Variants in UBE2R2 observed in about 807,000 individuals in gnomAD.
The protein encoded by UBE2R2 is ubiquitin-conjugating enzyme E2 R2.
Under a neutral mutation model 27.8 loss-of-function variants are expected in UBE2R2, and 1 was observed. The ratio of observed to expected loss-of-function variants is 0.04; its 90% CI spans 0.01 to 0.17. The LOEUF (loss-of-function observed/expected upper bound fraction) is 0.17. Ranked by LOEUF, UBE2R2 falls within the 10% of genes least tolerant of loss-of-function variation. The probability of loss-of-function intolerance (pLI) is 1.00; values close to 1 mark genes in which losing one functional copy is unlikely to be tolerated. For synonymous variants in UBE2R2, 106 were observed against 113.3 expected (o/e 0.94, Z 0.41); for missense variants, 100 against 291.0 (o/e 0.34, Z 4.78).
intron 1 of UBE2R2, among the ~76,000 whole-genome samples, chr9:33,862,515 G>A (rs1178745583): frequency 2.6e-5 from 4 of 151,990 alleles, no homozygotes; most frequent in Non-Finnish European, 4.4e-5. Flanking sequence ...ATTACATGCC[G>A]TGTGCTCTCA....
At chr9:33,854,095 C>G (rs948664179) in intron 1 of UBE2R2, among the ~76,000 whole-genome samples, 5 of 152,002 alleles carry the variant, frequency 3.3e-5, no homozygotes, top group African/African-American at 1.2e-4. Context: ...CTTTTTAACA[C>G]GAGTCACTTA....
intron 1 of UBE2R2, among the ~76,000 whole-genome samples, chr9:33,826,444 A>G (rs1457984084): frequency 1.3e-5 from 2 of 151,974 alleles, no homozygotes; most frequent in Admixed American, 6.6e-5. Flanking sequence ...CACGCCTGTA[A>G]CCCCAGCACT....
intron 1 of UBE2R2, among the ~76,000 whole-genome samples, chr9:33,883,696 A>G (rs1446027528): frequency 6.8e-6 from 1 of 146,396 alleles, no homozygotes; most frequent in Admixed American, 6.9e-5. Context: ...GCCTGGTGAC[A>G]GAGCAAGACT....
At chr9:33,886,675 G>T (rs1007926344) in intron 1 of UBE2R2, among the ~76,000 whole-genome samples, 3 of 141,374 alleles carry the variant, frequency 2.1e-5, no homozygotes, top group Non-Finnish European at 4.7e-5. Flanking sequence ...AAAAAAAAAG[G>T]CTTTTATAAA....
At chr9:33,886,364 C>G (rs966686967) in intron 1 of UBE2R2, among the ~76,000 whole-genome samples, 1 of 151,908 alleles carries the variant, frequency 6.6e-6, no homozygotes, top group Non-Finnish European at 1.5e-5. Flanking sequence ...CTTAAAATAG[C>G]CTTTTATAGG....
chr9:33,910,241 C>T (rs1822454061), intron 3 of UBE2R2, among the ~76,000 whole-genome samples: 1 of 152,080 alleles, frequency 6.6e-6, no homozygotes. Context: ...GCCTCCCGTG[C>T]CCAAGCAATT....
chr9:33,915,504 C>T (rs1822619774), intron 4 of UBE2R2, among the ~76,000 whole-genome samples: 1 of 152,076 alleles, frequency 6.6e-6, no homozygotes, highest in Non-Finnish European at 1.5e-5. Context: ...AGCCCAGAAG[C>T]CTCAGGACCA....
At chr9:33,842,621 A>G (rs1289293597) in intron 1 of UBE2R2, among the ~76,000 whole-genome samples, 1 of 152,176 alleles carries the variant, frequency 6.6e-6, no homozygotes, top group African/African-American at 2.4e-5. Context: ...GTACTGCTAA[A>G]TGCAGATACT....
rs1219374465 is a variant in UBE2R2, at chr9:33,920,206, G to GA, written c.*2972dup. The GA allele has an allele frequency of 6.6e-6, 1 of 152,616 alleles. No homozygotes were observed. The highest frequency in any genetic ancestry group is 1.9e-4 in the East Asian group (1 of 5,204). 9.5% of individuals were successfully genotyped at this position (152,616 alleles called of 1,614,324 possible). On this transcript the variant is annotated 3_prime_UTR_variant, in exon 5 of 5. Transcript: ENST00000263228. ...TTCAGATGCAATTTTCAACTATTCT[G>GA]AAACCAGCAGGACACACCTGACTTT... is the stretch of plus-strand genomic sequence containing the variant.
intron 1 of UBE2R2, among the ~76,000 whole-genome samples, chr9:33,853,360 G>C (rs758866681): frequency 2.9e-5 from 4 of 140,082 alleles, no homozygotes; most frequent in Non-Finnish European, 6.0e-5. Context: ...TGCGACCTTG[G>C]CTAACTGCAA....
intron 1 of UBE2R2, among the ~76,000 whole-genome samples, chr9:33,864,859 G>T (rs1821324838): frequency 6.6e-6 from 1 of 151,912 alleles, no homozygotes; most frequent in African/African-American, 2.4e-5. Context: ...CAAGTAACTG[G>T]GATTACAGGC....
At chr9:33,847,684 C>G (rs1417721530) in intron 1 of UBE2R2, among the ~76,000 whole-genome samples, 1 of 151,584 alleles carries the variant, frequency 6.6e-6, no homozygotes, top group Non-Finnish European at 1.5e-5. Context: ...CTGTGTGTCT[C>G]CAACACTGTG....
chr9:33,868,273 G>C (rs988639345), intron 1 of UBE2R2, among the ~76,000 whole-genome samples: 1 of 152,058 alleles, frequency 6.6e-6, no homozygotes, highest in African/African-American at 2.4e-5. Context: ...GGATAGGGGC[G>C]GGGCAGGCCA....
chr9:33,858,036 G>GT (rs911829208), intron 1 of UBE2R2, among the ~76,000 whole-genome samples: 11 of 152,266 alleles, frequency 7.2e-5, no homozygotes, highest in South Asian at 2.1e-4. Context: ...CTAATGGAGA[G>GT]TTTTTTCCCC....
chr9:33,819,679 C>T (rs1289001054), intron 1 of UBE2R2, among the ~76,000 whole-genome samples: 2 of 151,040 alleles, frequency 1.3e-5, no homozygotes, highest in Non-Finnish European at 2.9e-5. Flanking sequence ...CGCTCTGTCA[C>T]CCTGGCTGGA....
chr9:33,908,340 C>CTGTTGTT (rs1587483107), intron 3 of UBE2R2, among the ~76,000 whole-genome samples: 2 of 152,246 alleles, frequency 1.3e-5, no homozygotes, highest in East Asian at 3.9e-4. Flanking sequence ...AATGCATCGC[C>CTGTTGTT]ATAACAACAG....
At chr9:33,895,720 C>T (rs567506861) in intron 2 of UBE2R2, among the ~76,000 whole-genome samples, 3 of 150,510 alleles carry the variant, frequency 2.0e-5, no homozygotes, top group South Asian at 2.1e-4. Flanking sequence ...TAGTTTTCAA[C>T]GTACAAGTCT....
At chr9:33,853,543 C>A (rs1305594599) in intron 1 of UBE2R2, among the ~76,000 whole-genome samples, 2 of 151,996 alleles carry the variant, frequency 1.3e-5, no homozygotes, top group African/African-American at 4.8e-5. Context: ...CCTTGGCCTC[C>A]CAAAGTGCTG....
intron 1 of UBE2R2, among the ~76,000 whole-genome samples, chr9:33,827,606 A>C (rs1587425898): frequency 6.6e-6 from 1 of 151,794 alleles, no homozygotes. Flanking sequence ...GCGCCATTGC[A>C]CTCCAGCCTG....
Sources: gnomAD v4.1 joint callset for allele counts (sites outside exome capture counted in the v4.1 genomes callset) on GRCh38, gnomAD v4.1.1 for gene constraint, MANE v1.5 for transcripts, NCBI Gene and HGNC (gene_info 2026-07-23, HGNC 2026-07-21) for gene names.